Variants in ELP4 observed in about 807,000 individuals in gnomAD.
The protein encoded by ELP4 is elongator complex protein 4.
A neutral mutation model predicts 48.9 loss-of-function variants in ELP4; 51 were observed. The observed-to-expected ratio is 1.04, with a 90% CI of 0.83 to 1.32. ELP4 has a LOEUF of 1.32. Among genes scored for constraint, ELP4 ranks in the 40% most tolerant of loss-of-function variants. The pLI, the probability that ELP4 is intolerant of heterozygous loss-of-function variation, is 0.00. For synonymous variants in ELP4, 210 were observed against 189.2 expected (o/e 1.11, Z -0.90); for missense variants, 519 against 514.6 (o/e 1.01, Z -0.08).
intron 9 of ELP4, among the ~76,000 whole-genome samples, chr11:31,694,147 G>A (rs1222258759): frequency 2.0e-5 from 3 of 152,102 alleles, no homozygotes; most frequent in African/African-American, 7.2e-5. Flanking sequence ...CTTTTGCTGT[G>A]CAGAAGTTCT....
At chr11:31,577,951 C>T (rs879700724) in intron 3 of ELP4, among the ~76,000 whole-genome samples, 6 of 152,134 alleles carry the variant, frequency 3.9e-5, no homozygotes, top group Admixed American at 6.6e-5. Flanking sequence ...CCAGGGCAGT[C>T]AGGCAAGAGA....
At chr11:31,640,473 C>T (rs1265988855) in intron 7 of ELP4, among the ~76,000 whole-genome samples, 3 of 151,888 alleles carry the variant, frequency 2.0e-5, no homozygotes, top group East Asian at 1.9e-4. Context: ...TTAAGTACCA[C>T]GTCAGATATT....
At chr11:31,647,096 T>G (rs1040276912) in intron 7 of ELP4, 1 of 151,824 alleles carries the variant, frequency 6.6e-6, no homozygotes, top group Non-Finnish European at 1.5e-5. Context: ...AGGCTACTGG[T>G]CTAAATGTTA....
At chr11:31,629,062 T>C (rs2134040885) in intron 6 of ELP4, among the ~76,000 whole-genome samples, 1 of 152,206 alleles carries the variant, frequency 6.6e-6, no homozygotes, top group Non-Finnish European at 1.5e-5. Context: ...TATTGTATAC[T>C]ACCTTATAAT....
intron 9 of ELP4, among the ~76,000 whole-genome samples, chr11:31,688,767 A>G (rs1399554925): frequency 6.6e-6 from 1 of 152,222 alleles, no homozygotes; most frequent in Non-Finnish European, 1.5e-5. Context: ...AGTATGTAGA[A>G]GTGCCTTTGA....
chr11:31,550,704 G>T (rs1187458722), intron 3 of ELP4, among the ~76,000 whole-genome samples: 2 of 152,146 alleles, frequency 1.3e-5, no homozygotes, highest in Non-Finnish European at 2.9e-5. Context: ...TAGATGAGAG[G>T]CATAAGCAGG....
At chr11:31,680,333 A>G (rs58456330) in intron 9 of ELP4, among the ~76,000 whole-genome samples, 3,139 of 152,328 alleles carry the variant, frequency 0.021, 102 homozygotes, top group African/African-American at 0.071. Context: ...AATATAATAC[A>G]TCTTGAAACT....
At position 31,786,192 on chromosome 11, in the gene ELP4, C is replaced by T. The variant is rs531792461; in HGVS notation, c.*2668C>T. The T allele has an allele frequency of 4.9e-6, 1 of 204,978 alleles. No homozygotes were observed. The highest frequency in any genetic ancestry group is 7.4e-5 in the East Asian group (1 of 13,492). 12.7% of individuals were successfully genotyped at this position (204,978 alleles called of 1,614,324 possible). ...ATAAAACTACTTTAGAAGGAAGCGA[C>T]ACTCTGCAATCAATTCCCTGTCCAT... is the stretch of plus-strand genomic sequence containing the variant. On this transcript the variant is annotated 3_prime_UTR_variant, in exon 10 of 10. Coordinates refer to ENST00000640961, the MANE Select transcript of ELP4 (RefSeq NM_019040.5).
At chr11:31,758,753 A>C (rs553727263) in intron 9 of ELP4, among the ~76,000 whole-genome samples, 1 of 148,678 alleles carries the variant, frequency 6.7e-6, no homozygotes, top group East Asian at 2.0e-4. Context: ...AGCAAACTCC[A>C]CCTTCCAGGT....
At chr11:31,553,109 C>G (rs1956877581) in intron 3 of ELP4, among the ~76,000 whole-genome samples, 2 of 152,192 alleles carry the variant, frequency 1.3e-5, no homozygotes, top group African/African-American at 4.8e-5. Context: ...TCTCCATAAC[C>G]TTACTGTCAC....
chr11:31,570,460 A>G (rs1957175770), intron 3 of ELP4, among the ~76,000 whole-genome samples: 1 of 146,082 alleles, frequency 6.8e-6, no homozygotes, highest in African/African-American at 2.6e-5. Flanking sequence ...GCATCATGTA[A>G]TATACCTTTT....
intron 3 of ELP4, among the ~76,000 whole-genome samples, chr11:31,547,591 G>A (rs142187517): frequency 0.37 from 55,980 of 151,738 alleles, 13,001 homozygotes; most frequent in African/African-American, 0.66. Context: ...TTCTGAAACT[G>A]TTCCAATCAA....
rs1206918817 is a variant in ELP4, at chr11:31,650,110, A to G, written c.1037-5A>G. ...TTTTTTTTCTTTTAATTTCTTTTCC[A>G]CAAGGATTGATTCATATACGGCAGA... On this transcript the variant is annotated splice_region_variant and splice_polypyrimidine_tract_variant and intron_variant, in intron 8 of 9. Coordinates refer to ENST00000640961, the MANE Select transcript of ELP4 (RefSeq NM_019040.5). 2 of 1,243,892 alleles carry G rather than the reference A, an allele frequency of 1.6e-6. No individual in the cohort carries two copies. Among genetic ancestry groups the G allele is most frequent in the African/African-American group, 1.5e-5 (1 of 66,478 alleles). The allele number at this position is 1,243,892 out of a possible 1,614,324, so 77.1% of individuals were successfully genotyped here.
At chr11:31,626,141 T>G (rs1944739578) in intron 5 of ELP4, among the ~76,000 whole-genome samples, 1 of 151,872 alleles carries the variant, frequency 6.6e-6, no homozygotes, top group Admixed American at 6.6e-5. Context: ...TTTTGCACAC[T>G]AAGCAGTCTG....
chr11:31,695,068 G>T lies in ELP4; in HGVS notation c.1143+44847G>T, dbSNP rs1210207536. On this transcript the variant is annotated intron_variant, in intron 9 of 9. Transcript: ENST00000640961. ...AAGGAGATTTTGGGCCAAGACAATG[G>T]GGTTTTCTAGATATACAATCATGTC... 2.6e-5 allele frequency among the ~76,000 whole-genome samples: 4 copies of T among 152,094 alleles called. No individual in the cohort carries two copies. In the East Asian group the frequency reaches 5.8e-4, roughly 22 times the overall value.
chr11:31,626,545 T>G (rs1192610417), intron 5 of ELP4, among the ~76,000 whole-genome samples: 1 of 151,924 alleles, frequency 6.6e-6, no homozygotes, highest in African/African-American at 2.4e-5. Context: ...TTTGGTTTTC[T>G]TCTTAAATTC....
chr11:31,517,409 C>G (rs1956135128), intron 1 of ELP4, among the ~76,000 whole-genome samples: 1 of 151,956 alleles, frequency 6.6e-6, no homozygotes, highest in Non-Finnish European at 1.5e-5. Context: ...TGTGATCTGC[C>G]TGCCTCGGCC....
At chr11:31,647,144 C>T (rs1235069794) in intron 7 of ELP4, 2 of 151,696 alleles carry the variant, frequency 1.3e-5, no homozygotes. Context: ...ATTATTATCC[C>T]AGAGCCAAAT....
intron 3 of ELP4, among the ~76,000 whole-genome samples, chr11:31,547,641 C>G (rs544936395): frequency 9.1e-4 from 138 of 152,208 alleles, no homozygotes; most frequent in African/African-American, 3.2e-3. Flanking sequence ...TTTTATGAGG[C>G]CAGCATCATC....
Sources: allele counts gnomAD v4.1 joint callset (sites outside exome capture counted in the v4.1 genomes callset), GRCh38; gene constraint gnomAD v4.1.1; transcripts MANE v1.5; gene names NCBI Gene and HGNC (gene_info 2026-07-23, HGNC 2026-07-21).